The following CDK8 variants were observed in gnomAD, a reference collection of about 807,000 sequenced individuals.
The protein encoded by CDK8 is cyclin dependent kinase 8.
In CDK8, 29 loss-of-function variants were observed where a neutral mutation model predicts 71.5. The observed-to-expected ratio is 0.41, with a 90% CI of 0.30 to 0.55. The LOEUF (loss-of-function observed/expected upper bound fraction) is 0.55, where lower values mean the gene tolerates loss of function less well. Ranked by LOEUF, CDK8 falls within the 20% of genes least tolerant of loss-of-function variation. CDK8 has a pLI of 0.37. For synonymous variants in CDK8, 161 were observed against 192.1 expected (o/e 0.84, Z 1.34); for missense variants, 288 against 572.6 (o/e 0.50, Z 5.07).
intron 1 of CDK8, among the ~76,000 whole-genome samples, chr13:26,265,862 A>G (rs1871996339): frequency 6.6e-6 from 1 of 152,180 alleles, no homozygotes. Context: ...TCTTAAGCAG[A>G]TAGTAATAAG....
chr13:26,284,207 A>G (rs529852260), intron 1 of CDK8, among the ~76,000 whole-genome samples: 1 of 152,346 alleles, frequency 6.6e-6, no homozygotes, highest in East Asian at 1.9e-4. Flanking sequence ...CACAAAATCT[A>G]AGGTTACACC....
intron 9 of CDK8, 145 bp downstream of exon 9, chr13:26,397,370 T>C (rs1876046124): frequency 3.4e-6 from 2 of 582,178 alleles, no homozygotes; most frequent in African/African-American, 1.9e-5. Context: ...TGTTAGTGCA[T>C]ACCAATAAAG....
intron 3 of CDK8, 49 bp from the exon 4 acceptor site, chr13:26,353,691 A>T (rs901788773): frequency 7.1e-7 from 1 of 1,413,680 alleles, no homozygotes; most frequent in Non-Finnish European, 9.7e-7. Context: ...ACATCAAATT[A>T]TCTTTTCCTT....
rs1380608090 is a variant in CDK8, at chr13:26,401,688, G to T, written c.1269+64G>T. 5 of 1,519,484 alleles carry T rather than the reference G, an allele frequency of 3.3e-6. No homozygotes were observed. In the African/African-American group the frequency reaches 5.5e-5, roughly 17 times the overall value. 94.1% of individuals were successfully genotyped at this position (1,519,484 alleles called of 1,614,324 possible). On this transcript the variant is annotated intron_variant, in intron 12 of 12. Coordinates refer to ENST00000381527, the MANE Select transcript of CDK8 (RefSeq NM_001260.3). The surrounding 1 kb of genome is among the most constrained non-coding windows in gnomAD (Gnocchi z 4.5). The stretch of plus-strand genomic sequence containing the variant: ...TTTACATATGGGTTTATGATCGTGG[G>T]AAAATGTGATTTAATTGAGAAATAC...
intron 1 of CDK8, among the ~76,000 whole-genome samples, chr13:26,267,911 A>G (rs1351960763): frequency 6.6e-6 from 1 of 152,168 alleles, no homozygotes; most frequent in Non-Finnish European, 1.5e-5. Context: ...TGCTAAATCC[A>G]CAGGGAGTTT....
chr13:26,294,063 C>G (rs990772036), intron 1 of CDK8, among the ~76,000 whole-genome samples: 2 of 151,972 alleles, frequency 1.3e-5, no homozygotes, highest in Admixed American at 6.6e-5. Flanking sequence ...ATAATGCCCT[C>G]TGGTTTCATC....
intron 1 of CDK8, among the ~76,000 whole-genome samples, chr13:26,318,624 C>T (rs1417377903): frequency 1.3e-5 from 2 of 152,050 alleles, no homozygotes; most frequent in Non-Finnish European, 2.9e-5. Context: ...TTATTATTAC[C>T]TTTTATTCCT....
chr13:26,303,823 A>AT (rs1873922371), intron 1 of CDK8, among the ~76,000 whole-genome samples: 1 of 152,224 alleles, frequency 6.6e-6, no homozygotes, highest in Non-Finnish European at 1.5e-5. Flanking sequence ...TTTAGTTAAA[A>AT]TGTTATCATC....
intron 1 of CDK8, among the ~76,000 whole-genome samples, chr13:26,272,689 G>A (rs544637899): frequency 2.0e-5 from 3 of 152,306 alleles, no homozygotes; most frequent in South Asian, 4.1e-4. Context: ...CAAGTATTAT[G>A]TAGTGTACAT....
At position 26,401,387 on chromosome 13, in the gene CDK8, A is replaced by T; in HGVS notation, c.1110+40A>T. Reference sequence around the variant, plus strand: ...ACTGTTAGCAGCTTCTTGTTTCGTGAATGCCTCCATAACATTTTCCATTGT... The same window carrying T: ...ACTGTTAGCAGCTTCTTGTTTCGTGTATGCCTCCATAACATTTTCCATTGT... On this transcript the variant is annotated intron_variant, in intron 11 of 12. Coordinates refer to ENST00000381527, the MANE Select transcript of CDK8 (RefSeq NM_001260.3). This position sits in a 1 kb window ranked among gnomAD's most constrained non-coding sequence, Gnocchi z 4.5. 6.2e-7 allele frequency: 1 copy of T among 1,610,876 alleles called. No homozygotes were observed. The highest frequency in any genetic ancestry group is 8.5e-7 in the Non-Finnish European group (1 of 1,177,198).
chr13:26,326,715 A>G (rs1875034853), intron 1 of CDK8, among the ~76,000 whole-genome samples: 1 of 152,176 alleles, frequency 6.6e-6, no homozygotes, highest in African/African-American at 2.4e-5. Context: ...AATGTGTTTT[A>G]CTGCTGCATT....
chr13:26,351,365 G>C (rs1873673345), intron 3 of CDK8, among the ~76,000 whole-genome samples: 2 of 150,948 alleles, frequency 1.3e-5, no homozygotes, highest in Admixed American at 6.6e-5. Flanking sequence ...TAAATCTTTG[G>C]TTCTTCTGTT....
At chr13:26,380,400 C>T (rs1196590270) in intron 4 of CDK8, among the ~76,000 whole-genome samples, 12 of 152,084 alleles carry the variant, frequency 7.9e-5, no homozygotes, top group Non-Finnish European at 1.3e-4. Context: ...AGGCTAGTCT[C>T]GAACCCCTGA....
intron 4 of CDK8, among the ~76,000 whole-genome samples, chr13:26,356,003 G>A (rs1873881022): frequency 6.6e-6 from 1 of 152,020 alleles, no homozygotes; most frequent in Non-Finnish European, 1.5e-5. Flanking sequence ...TTATGATACC[G>A]AGTTTCTTTT....
At chr13:26,298,349 T>A (rs1211834089) in intron 1 of CDK8, among the ~76,000 whole-genome samples, 2 of 152,118 alleles carry the variant, frequency 1.3e-5, no homozygotes, top group African/African-American at 4.8e-5. Flanking sequence ...AGTGGCAATA[T>A]CTTAGGCCAC....
chr13:26,274,598 A>T (rs1462469081), intron 1 of CDK8, among the ~76,000 whole-genome samples: 1 of 151,594 alleles, frequency 6.6e-6, no homozygotes, highest in East Asian at 1.9e-4. Flanking sequence ...CGCCTGGCTA[A>T]TTTTTTGTAT....
intron 1 of CDK8, among the ~76,000 whole-genome samples, chr13:26,268,256 A>AACACACACACACACAC (rs3027999): frequency 1.7e-4 from 20 of 116,788 alleles, no homozygotes; most frequent in African/African-American, 7.1e-4. Flanking sequence ...CCCCTCCCCC[A>AACACACACACACACAC]ACACACACAC....
At chr13:26,382,586 C>T (rs1333888681) in intron 4 of CDK8, among the ~76,000 whole-genome samples, 1 of 152,178 alleles carries the variant, frequency 6.6e-6, no homozygotes, top group Non-Finnish European at 1.5e-5. Context: ...CCAAGAAAAG[C>T]CTCAGCCTTC....
intron 6 of CDK8, among the ~76,000 whole-genome samples, chr13:26,389,929 C>A (rs1008945835): frequency 3.3e-5 from 5 of 152,028 alleles, no homozygotes; most frequent in African/African-American, 1.2e-4. Flanking sequence ...ACCTGAGAGG[C>A]GGAGGTTGCA....
Sources: allele counts gnomAD v4.1 joint callset (sites outside exome capture counted in the v4.1 genomes callset), GRCh38; gene constraint gnomAD v4.1.1; non-coding constraint Gnocchi (gnomAD v3.1); transcripts MANE v1.5; gene names NCBI Gene and HGNC (gene_info 2026-07-23, HGNC 2026-07-21).